Variants in BTBD9 observed in about 807,000 individuals in gnomAD.
BTBD9 encodes the protein BTB/POZ domain-containing protein 9.
A neutral mutation model predicts 64.3 loss-of-function variants in BTBD9; 49 were observed. The ratio of observed to expected loss-of-function variants is 0.76; its 90% CI spans 0.61 to 0.97. The LOEUF (loss-of-function observed/expected upper bound fraction) is 0.97, where lower values mean the gene tolerates loss of function less well. Among genes scored for constraint, BTBD9 ranks in the 50% least tolerant of loss-of-function variants. The pLI is 0.00. For missense variants in BTBD9, 598 were observed against 762.1 expected (o/e 0.78, Z 2.53); for synonymous variants, 260 against 274.7 (o/e 0.95, Z 0.53).
At chr6:38,360,089 G>A (rs1056812324) in intron 6 of BTBD9, among the ~76,000 whole-genome samples, 1 of 152,116 alleles carries the variant, frequency 6.6e-6, no homozygotes, top group African/African-American at 2.4e-5. Flanking sequence ...CGTTTTTACA[G>A]CTTAAATTAA....
At chr6:38,484,399 G>A (rs1771304761) in intron 6 of BTBD9, among the ~76,000 whole-genome samples, 1 of 152,198 alleles carries the variant, frequency 6.6e-6, no homozygotes, top group African/African-American at 2.4e-5. Flanking sequence ...AACACTTCCT[G>A]GGACTGACTA....
intron 6 of BTBD9, among the ~76,000 whole-genome samples, chr6:38,352,031 C>A (rs536093281): frequency 3.3e-5 from 5 of 152,082 alleles, no homozygotes; most frequent in South Asian, 4.2e-4. Context: ...ATATACCATA[C>A]GATAGCCTTT....
chr6:38,577,529 A>G, intron 6 of BTBD9, 71 bp downstream of exon 6: 2 of 1,433,202 alleles, frequency 1.4e-6, no homozygotes, highest in Non-Finnish European at 1.9e-6. Flanking sequence ...TGAAAAATGC[A>G]GTTCTGCTTC....
At chr6:38,256,032 A>G (rs959605595) in intron 9 of BTBD9, among the ~76,000 whole-genome samples, 4 of 151,514 alleles carry the variant, frequency 2.6e-5, no homozygotes, top group African/African-American at 4.9e-5. Flanking sequence ...TCAAACCTGC[A>G]TATTGTGCAC....
At chr6:38,637,199 T>C (rs1460979658) in intron 1 of BTBD9, among the ~76,000 whole-genome samples, 1 of 152,198 alleles carries the variant, frequency 6.6e-6, no homozygotes, top group East Asian at 1.9e-4. Context: ...TAATGGTTAG[T>C]GGTTTATCTC....
chr6:38,412,665 C>T (rs1767482488), intron 6 of BTBD9, among the ~76,000 whole-genome samples: 1 of 151,920 alleles, frequency 6.6e-6, no homozygotes, highest in African/African-American at 2.4e-5. Flanking sequence ...TTGAGACCAG[C>T]CTGGTGAACA....
intron 9 of BTBD9, among the ~76,000 whole-genome samples, chr6:38,193,193 C>G (rs914160013): frequency 6.6e-6 from 1 of 152,196 alleles, no homozygotes; most frequent in African/African-American, 2.4e-5. Flanking sequence ...AGTCGTTCAT[C>G]AGATGCGCAT....
rs199612571 is a variant in BTBD9, at chr6:38,201,040, TA to T, written c.1563-8444del. On this transcript the variant is annotated intron_variant, in intron 9 of 10. Transcript: ENST00000481247. The stretch of plus-strand genomic sequence containing the variant: ...GTCTATAAAAAAAATAAAGTAAAAA[TA>T]AAAAAAAAATCCCAAAACCAAAGAG... 2.8e-4 allele frequency among the ~76,000 whole-genome samples: 41 copies of T among 147,092 alleles called. No individual in the cohort carries two copies. The South Asian group carries it at 6.5e-3, about 23-fold the overall frequency.
chr6:38,623,138 C>A (rs907737218), intron 1 of BTBD9, among the ~76,000 whole-genome samples: 2 of 152,116 alleles, frequency 1.3e-5, no homozygotes, highest in Non-Finnish European at 2.9e-5. Context: ...CATACACAAC[C>A]AGTTCTGTCT....
intron 7 of BTBD9, among the ~76,000 whole-genome samples, chr6:38,298,523 T>C (rs1762250265): frequency 6.6e-6 from 1 of 152,194 alleles, no homozygotes; most frequent in Non-Finnish European, 1.5e-5. Context: ...GTCCTCTCTT[T>C]AAGCTATTCT....
chr6:38,458,473 G>A (rs1769921615), intron 6 of BTBD9, among the ~76,000 whole-genome samples: 1 of 152,084 alleles, frequency 6.6e-6, no homozygotes, highest in Admixed American at 6.5e-5. Flanking sequence ...TCCCTAAAAG[G>A]CTTAGAAAAT....
At chr6:38,561,345 T>C (rs548865167) in intron 6 of BTBD9, among the ~76,000 whole-genome samples, 4 of 152,182 alleles carry the variant, frequency 2.6e-5, no homozygotes, top group Admixed American at 2.0e-4. Context: ...TTATATACTG[T>C]TGATGGGAAT....
intron 6 of BTBD9, among the ~76,000 whole-genome samples, chr6:38,558,846 CT>C (rs1775144212): frequency 1.3e-5 from 2 of 152,044 alleles, no homozygotes; most frequent in African/African-American, 4.8e-5. Context: ...CTGTAGTTTT[CT>C]TTTTTCCCAT....
At position 38,435,793 on chromosome 6, in the gene BTBD9, C is replaced by T. The variant is rs139993180; in HGVS notation, c.1155-90700G>A. 3.4e-4 allele frequency among the ~76,000 whole-genome samples: 52 copies of T among 151,124 alleles called. 1 individual carries two copies. Among genetic ancestry groups the T allele is most frequent in the Admixed American group, 1.1e-3 (16 of 15,218 alleles). On this transcript the variant is annotated intron_variant, in intron 6 of 10. Coordinates refer to ENST00000481247, the MANE Select transcript of BTBD9 (RefSeq NM_001099272.2). ...AAGCAATTCTCCGGCCTCAGCCTCC[C>T]GAGTAGCTGGGATTACAGGTGCCCG...
chr6:38,244,579 G>A (rs1158936886), intron 9 of BTBD9, among the ~76,000 whole-genome samples: 1 of 152,024 alleles, frequency 6.6e-6, no homozygotes, highest in Non-Finnish European at 1.5e-5. Flanking sequence ...AACTGAAAGG[G>A]GCACAGCTGG....
chr6:38,196,272 C>T (rs1213310934), intron 9 of BTBD9, among the ~76,000 whole-genome samples: 1 of 152,166 alleles, frequency 6.6e-6, no homozygotes, highest in Non-Finnish European at 1.5e-5. Flanking sequence ...GTCTCTTCAT[C>T]TGTAAAATGG....
intron 6 of BTBD9, among the ~76,000 whole-genome samples, chr6:38,441,600 T>C (rs111501738): frequency 3.7e-4 from 57 of 152,108 alleles, no homozygotes; most frequent in African/African-American, 1.3e-3. Flanking sequence ...TTTTTTTTCA[T>C]AGAAACAGAT....
At chr6:38,532,472 G>A (rs575432012) in intron 6 of BTBD9, among the ~76,000 whole-genome samples, 25 of 152,174 alleles carry the variant, frequency 1.6e-4, no homozygotes, top group African/African-American at 5.8e-4. Context: ...AGGTGTTTTC[G>A]CCATCTCTTC....
intron 9 of BTBD9, among the ~76,000 whole-genome samples, chr6:38,229,566 G>C (rs1561901645): frequency 6.6e-6 from 1 of 152,122 alleles, no homozygotes; most frequent in Non-Finnish European, 1.5e-5. Flanking sequence ...ACAATAGGAA[G>C]GTCATATGGA....
Sources: allele counts gnomAD v4.1 joint callset (sites outside exome capture counted in the v4.1 genomes callset), GRCh38; gene constraint gnomAD v4.1.1; transcripts MANE v1.5; gene names NCBI Gene and HGNC (gene_info 2026-07-23, HGNC 2026-07-21).